BMP5: variants seen among roughly 807,000 people sequenced by gnomAD.
BMP5 encodes bone morphogenetic protein 5.
In BMP5, 23 loss-of-function variants were observed where a neutral mutation model predicts 46.6. That is an observed-to-expected ratio of 0.49 (90% CI 0.35 to 0.70). The LOEUF is 0.70. BMP5 is among the 30% of genes least tolerant of loss of function. The pLI is 0.00. For missense variants in BMP5, 545 were observed against 565.6 expected, an observed-to-expected ratio of 0.96 and a Z score of 0.37; for synonymous variants, 204 against 191.9, an observed-to-expected ratio of 1.06 and a Z score of -0.52.
intron 6 of BMP5, among the ~76,000 whole-genome samples, chr6:55,757,608 A>ATACT (rs1774641303): frequency 6.6e-6 from 1 of 152,014 alleles, no homozygotes; most frequent in Admixed American, 6.6e-5. Flanking sequence ...AGAAGAGCTT[A>ATACT]TACTTACAGA....
chr6:55,845,143 G>A (rs11970564), intron 1 of BMP5, among the ~76,000 whole-genome samples: 2,287 of 151,992 alleles, frequency 0.015, 51 homozygotes, highest in African/African-American at 0.051. Flanking sequence ...TCTTTACATG[G>A]CACATGTGCA....
At chr6:55,841,091 C>T (rs979580776) in intron 1 of BMP5, among the ~76,000 whole-genome samples, 34 of 152,262 alleles carry the variant, frequency 2.2e-4, no homozygotes, top group Admixed American at 2.0e-3. Flanking sequence ...ATCTTCATTG[C>T]ATGTTCCTTA....
At chr6:55,852,577 A>G (rs1297266551) in intron 1 of BMP5, among the ~76,000 whole-genome samples, 3 of 152,114 alleles carry the variant, frequency 2.0e-5, no homozygotes, top group Non-Finnish European at 4.4e-5. Flanking sequence ...CTTTACATAG[A>G]AGAAATCCAT....
intron 1 of BMP5, chr6:55,865,441 T>A: frequency 2.0e-6 from 1 of 502,744 alleles, no homozygotes; most frequent in South Asian, 1.5e-5. Flanking sequence ...CAGCAGCTAA[T>A]CACAGAAAAT....
chr6:55,848,337 C>G (rs374633938), intron 1 of BMP5, among the ~76,000 whole-genome samples: 66 of 152,084 alleles, frequency 4.3e-4, no homozygotes, highest in African/African-American at 1.6e-3. Flanking sequence ...AACACTGTTT[C>G]CCAGTCACTA....
At chr6:55,764,581 AAAAAAAG>A (rs1338305456) in intron 4 of BMP5, among the ~76,000 whole-genome samples, 1 of 150,916 alleles carries the variant, frequency 6.6e-6, no homozygotes, top group Non-Finnish European at 1.5e-5. Flanking sequence ...CAAAAAAAAA[AAAAAAAG>A]AAAAAAAGAA....
intron 5 of BMP5, 27 bp from the exon 6 acceptor site, chr6:55,759,142 CACAAAAAAAAAAAAAAAAAAAAAA>C: frequency 1.7e-5 from 2 of 119,566 alleles, no homozygotes; most frequent in Admixed American, 1.8e-4. Context: ...CACACACACA[CACAAAAAAAAAAAAAAAAAAAAAA>C]AAAAAAAAAA....
chr6:55,854,181 G>GA (rs1301067861), intron 1 of BMP5, among the ~76,000 whole-genome samples: 1 of 151,964 alleles, frequency 6.6e-6, no homozygotes, highest in Admixed American at 6.6e-5. Flanking sequence ...TTGTGTGCAT[G>GA]AAAAAACTTT....
At chr6:55,775,119 G>A (rs1775144850) in intron 3 of BMP5, among the ~76,000 whole-genome samples, 1 of 151,916 alleles carries the variant, frequency 6.6e-6, no homozygotes, top group Non-Finnish European at 1.5e-5. Flanking sequence ...TTATATATCA[G>A]TGAAAAGGGA....
intron 1 of BMP5, among the ~76,000 whole-genome samples, chr6:55,834,184 T>C (rs1015818884): frequency 2.6e-5 from 4 of 152,124 alleles, no homozygotes; most frequent in African/African-American, 7.2e-5. Context: ...ATTAGTTAAA[T>C]TGAGCATTTT....
intron 1 of BMP5, among the ~76,000 whole-genome samples, chr6:55,820,592 A>AT (rs1776383632): frequency 6.6e-6 from 1 of 151,598 alleles, no homozygotes; most frequent in South Asian, 2.1e-4. Flanking sequence ...CAATTTTTTT[A>AT]TTTTTTGTAG....
chr6:55,864,716 A>G (rs1379074280), intron 1 of BMP5, among the ~76,000 whole-genome samples: 1 of 152,208 alleles, frequency 6.6e-6, no homozygotes, highest in Non-Finnish European at 1.5e-5. Context: ...CACTCAATAT[A>G]TAATGAAATA....
chr6:55,828,219 G>GT (rs1776576995), intron 1 of BMP5, among the ~76,000 whole-genome samples: 1 of 151,754 alleles, frequency 6.6e-6, no homozygotes, highest in Non-Finnish European at 1.5e-5. Flanking sequence ...CAGGTCAAAG[G>GT]TTTTGTGAGT....
chr6:55,813,679 A>C (rs9367664), intron 2 of BMP5, among the ~76,000 whole-genome samples: 3 of 151,286 alleles, frequency 2.0e-5, no homozygotes, highest in Admixed American at 6.6e-5. Context: ...CCCAGCTACT[A>C]GGGAGGCTGA....
chr6:55,820,677 CA>C (rs1348320379), intron 1 of BMP5, among the ~76,000 whole-genome samples: 7 of 152,092 alleles, frequency 4.6e-5, no homozygotes, highest in Admixed American at 1.3e-4. Flanking sequence ...TTTGGCATCC[CA>C]AAGTTCTGGG....
At chr6:55,788,826 C>T (rs188393784) in intron 3 of BMP5, among the ~76,000 whole-genome samples, 1 of 151,882 alleles carries the variant, frequency 6.6e-6, no homozygotes, top group East Asian at 1.9e-4. Context: ...GCTATCTGTT[C>T]ATTTATCCTC....
At chr6:55,830,152 G>GAATTATTAAAA in intron 1 of BMP5, among the ~76,000 whole-genome samples, 1 of 152,150 alleles carries the variant, frequency 6.6e-6, no homozygotes, top group African/African-American at 2.4e-5. Context: ...AAAATGGTGA[G>GAATTATTAAAA]TTATATGAAT....
At chr6:55,770,214 A>T (rs1775015895) in intron 4 of BMP5, among the ~76,000 whole-genome samples, 1 of 152,000 alleles carries the variant, frequency 6.6e-6, no homozygotes, top group African/African-American at 2.4e-5. Context: ...TCCATTAAAA[A>T]TCTGTGGTTC....
At chr6:55,760,736 G>A (rs1774754365) in intron 4 of BMP5, among the ~76,000 whole-genome samples, 1 of 151,974 alleles carries the variant, frequency 6.6e-6, no homozygotes, top group Non-Finnish European at 1.5e-5. Flanking sequence ...TCTGTGAGAT[G>A]TAGACAATAC....
Sources: allele counts gnomAD v4.1 joint callset (sites outside exome capture counted in the v4.1 genomes callset), GRCh38; gene constraint gnomAD v4.1.1; transcripts MANE v1.5; gene names NCBI Gene and HGNC (gene_info 2026-07-23, HGNC 2026-07-21).